FILIP1L: variants seen among roughly 807,000 people sequenced by gnomAD.
FILIP1L encodes filamin A-interacting protein 1-like.
A neutral mutation model predicts 96.6 loss-of-function variants in FILIP1L; 55 were observed. The observed-to-expected ratio is 0.57, with a 90% confidence interval of 0.46 to 0.71. The LOEUF (loss-of-function observed/expected upper bound fraction) is 0.71. Ranked by LOEUF, FILIP1L falls within the 30% of genes least tolerant of loss-of-function variation. The pLI, the probability that FILIP1L is intolerant of heterozygous loss-of-function variation, is 0.00. For synonymous variants in FILIP1L, 467 were observed against 473.9 expected (o/e 0.99, Z 0.19); for missense variants, 1,304 against 1,321.2 (o/e 0.99, Z 0.20).
At position 99,850,715 on chromosome 3, in the gene FILIP1L, G is replaced by A. The variant is rs780616225; in HGVS notation, c.961C>T (p.Arg321Cys). Reference protein sequence around the residue: ...AKLTNEDSQNRQLQQKLAALS... With the variant: ...AKLTNEDSQNCQLQQKLAALS... ...GCTGCCAGCTTTTGTTGAAGCTGGC[G>A]ATTTTGACTGTCCTCATTGGTGAGC... is the stretch of plus-strand genomic sequence containing the variant. Residue 321 changes from arginine to cysteine, a missense_variant, in exon 5 of 6, where the codon CGC (arginine) becomes TGC (cysteine). Coordinates refer to ENST00000477258, the MANE Select transcript of FILIP1L (RefSeq NM_001387850.1). The A allele has an allele frequency of 4.3e-6, 7 of 1,614,020 alleles. No individual in the cohort carries two copies. In the East Asian group the frequency reaches 6.7e-5, roughly 15 times the overall value.
At chr3:100,009,029 C>G (rs1382236298) in intron 1 of FILIP1L, among the ~76,000 whole-genome samples, 1 of 152,134 alleles carries the variant, frequency 6.6e-6, no homozygotes, top group Non-Finnish European at 1.5e-5. Flanking sequence ...AAACCTTTAC[C>G]ATAGTTGCTA....
intron 1 of FILIP1L, among the ~76,000 whole-genome samples, chr3:99,987,497 C>G (rs1294418312): frequency 6.7e-6 from 1 of 149,128 alleles, no homozygotes; most frequent in Non-Finnish European, 1.5e-5. Context: ...CCACTGCACT[C>G]CAGCCTGGGT....
At chr3:100,027,090 C>A (rs886608933) in intron 1 of FILIP1L, among the ~76,000 whole-genome samples, 1 of 152,128 alleles carries the variant, frequency 6.6e-6, no homozygotes, top group African/African-American at 2.4e-5. Flanking sequence ...ATGTCATCTT[C>A]TCAGTGAAAC....
intron 1 of FILIP1L, among the ~76,000 whole-genome samples, chr3:100,012,801 T>TTC (rs887974478): frequency 2.0e-5 from 3 of 149,752 alleles, no homozygotes; most frequent in African/African-American, 7.3e-5. Context: ...GGGACAGGTT[T>TTC]TCTCTCTGTT....
At chr3:99,911,616 T>C (rs1471838107) in intron 4 of FILIP1L, among the ~76,000 whole-genome samples, 1 of 152,168 alleles carries the variant, frequency 6.6e-6, no homozygotes, top group African/African-American at 2.4e-5. Context: ...TGTGAGTGCA[T>C]TTCTCTGCCT....
intron 1 of FILIP1L, among the ~76,000 whole-genome samples, chr3:100,015,849 A>G (rs1172412648): frequency 1.3e-5 from 2 of 152,216 alleles, no homozygotes; most frequent in African/African-American, 2.4e-5. Context: ...ACATATGATC[A>G]TTGTAGGGAA....
intron 1 of FILIP1L, among the ~76,000 whole-genome samples, chr3:100,023,136 G>A (rs1379492356): frequency 6.6e-6 from 1 of 152,184 alleles, no homozygotes; most frequent in Non-Finnish European, 1.5e-5. Flanking sequence ...GCTGAAAGTG[G>A]AGTATGTGCT....
At chr3:100,075,571 T>A (rs1365667523) in intron 1 of FILIP1L, 2 of 151,970 alleles carry the variant, frequency 1.3e-5, no homozygotes, top group Non-Finnish European at 2.9e-5. Context: ...TTTTCTTTTT[T>A]TTTTTTTAAC....
intron 1 of FILIP1L, among the ~76,000 whole-genome samples, chr3:100,028,248 C>T (rs11712092): frequency 6.6e-6 from 1 of 152,156 alleles, no homozygotes. Context: ...CACACTGAAG[C>T]TAAGTAATTT....
chr3:99,962,430 G>A (rs1000303407), intron 1 of FILIP1L, among the ~76,000 whole-genome samples: 5 of 152,070 alleles, frequency 3.3e-5, no homozygotes, highest in Non-Finnish European at 7.4e-5. Flanking sequence ...GGAATATTTT[G>A]TATATTATCT....
chr3:100,090,155 A>G (rs2066079494), intron 1 of FILIP1L, among the ~76,000 whole-genome samples: 1 of 152,120 alleles, frequency 6.6e-6, no homozygotes, highest in Non-Finnish European at 1.5e-5. Flanking sequence ...TCCCTCCCTA[A>G]ACTATGAAGC....
intron 1 of FILIP1L, among the ~76,000 whole-genome samples, chr3:100,014,895 C>CTTTTTTTTTTTTT (rs1233573719): frequency 1.2e-4 from 3 of 25,006 alleles, no homozygotes; most frequent in Non-Finnish European, 1.4e-4. Context: ...TTCTTTCTTT[C>CTTTTTTTTTTTTT]TTTTTTTTTT....
At chr3:100,069,804 G>A (rs2065729796) in intron 1 of FILIP1L, among the ~76,000 whole-genome samples, 1 of 152,162 alleles carries the variant, frequency 6.6e-6, no homozygotes, top group Non-Finnish European at 1.5e-5. Flanking sequence ...CAGTCTATTT[G>A]TGAGGGCATA....
At chr3:100,028,222 G>A (rs995032945) in intron 1 of FILIP1L, among the ~76,000 whole-genome samples, 3 of 152,156 alleles carry the variant, frequency 2.0e-5, no homozygotes, top group African/African-American at 4.8e-5. Context: ...CAGTTTTGCA[G>A]ATGAGGAAAC....
At chr3:99,922,028 A>G (rs1181221668) in intron 4 of FILIP1L, among the ~76,000 whole-genome samples, 1 of 151,948 alleles carries the variant, frequency 6.6e-6, no homozygotes, top group Non-Finnish European at 1.5e-5. Context: ...GAATATCAGA[A>G]CTCTCCTCCA....
At chr3:99,882,336 A>T (rs1705756365) in intron 4 of FILIP1L, among the ~76,000 whole-genome samples, 1 of 152,136 alleles carries the variant, frequency 6.6e-6, no homozygotes, top group Non-Finnish European at 1.5e-5. Flanking sequence ...TTTGTCTGGC[A>T]ACTTCTTCCA....
intron 5 of FILIP1L, among the ~76,000 whole-genome samples, chr3:99,842,431 A>G (rs990080161): frequency 2.6e-5 from 4 of 151,974 alleles, no homozygotes; most frequent in African/African-American, 4.8e-5. Flanking sequence ...AGTCAGCACT[A>G]AAGAACTTAT....
chr3:99,979,065 A>G (rs1489971100), intron 1 of FILIP1L, among the ~76,000 whole-genome samples: 1 of 152,168 alleles, frequency 6.6e-6, no homozygotes, highest in Non-Finnish European at 1.5e-5. Context: ...AATTTACTGT[A>G]TATTTTCAAA....
intron 4 of FILIP1L, among the ~76,000 whole-genome samples, chr3:99,861,582 T>C (rs1253938111): frequency 6.6e-6 from 1 of 152,178 alleles, no homozygotes; most frequent in African/African-American, 2.4e-5. Flanking sequence ...TCTGCGTTCT[T>C]CTGTATCTTG....
Sources: allele counts gnomAD v4.1 joint callset (sites outside exome capture counted in the v4.1 genomes callset), GRCh38; gene constraint gnomAD v4.1.1; transcripts MANE v1.5; gene names NCBI Gene and HGNC (gene_info 2026-07-23, HGNC 2026-07-21).